KIAA1549L: variants seen among roughly 807,000 people sequenced by gnomAD.
KIAA1549L encodes the protein KIAA1549 like.
A neutral mutation model predicts 160.7 loss-of-function variants in KIAA1549L; 88 were observed. That is an observed-to-expected ratio of 0.55 (90% CI 0.46 to 0.65). The LOEUF is 0.65. KIAA1549L is among the 30% of genes least tolerant of loss of function. The pLI, the probability that KIAA1549L is intolerant of heterozygous loss-of-function variation, is 0.00. For synonymous variants in KIAA1549L, 950 were observed against 976.7 expected, an observed-to-expected ratio of 0.97 and a Z score of 0.51; for missense variants, 2,258 against 2,437.5, an observed-to-expected ratio of 0.93 and a Z score of 1.55.
intron 9 of KIAA1549L, among the ~76,000 whole-genome samples, chr11:33,572,806 C>G (rs1448280005): frequency 6.6e-6 from 1 of 152,206 alleles, no homozygotes; most frequent in African/African-American, 2.4e-5. Flanking sequence ...TTTCACTCAT[C>G]TTAGTTATAT....
At chr11:33,649,128 C>A (rs1851807096) in intron 17 of KIAA1549L, among the ~76,000 whole-genome samples, 1 of 152,126 alleles carries the variant, frequency 6.6e-6, no homozygotes, top group Non-Finnish European at 1.5e-5. Context: ...ATCCCACGCT[C>A]TTTCTACCCG....
At chr11:33,435,782 A>ATGTGTGTGTGTGTG (rs1161737454) in intron 1 of KIAA1549L, among the ~76,000 whole-genome samples, 5 of 21,398 alleles carry the variant, frequency 2.3e-4, no homozygotes, top group South Asian at 1.6e-3. Context: ...ATATATATAT[A>ATGTGTGTGTGTGTG]TATATATATA....
chr11:33,646,336 T>A (rs1248450639), intron 17 of KIAA1549L, among the ~76,000 whole-genome samples: 1 of 152,216 alleles, frequency 6.6e-6, no homozygotes, highest in Admixed American at 6.5e-5. Flanking sequence ...GCACTGGTGG[T>A]TTCCTACACT....
At position 33,542,989 on chromosome 11, in the gene KIAA1549L, A is replaced by G. The variant is rs377413833; in HGVS notation, c.1426A>G (p.Ile476Val). 8.7e-6 allele frequency: 14 copies of G among 1,613,894 alleles called. No homozygotes were observed. In the Admixed American group the frequency reaches 2.3e-4, roughly 27 times the overall value. The change falls in exon 2 of 21, where the codon ATC becomes GTC. Residue 476 changes from isoleucine to valine, a missense_variant. Transcript: ENST00000658780. ...CTCTTCTTTGGTGCCTTCTCTGCATATCACCACACTGGGTCAAGAGCAAGC... is the reference window on the plus strand; with the variant it reads ...CTCTTCTTTGGTGCCTTCTCTGCATGTCACCACACTGGGTCAAGAGCAAGC... ...HTSSLVPSLH[I>V]TTLGQEQAIL...
intron 9 of KIAA1549L, among the ~76,000 whole-genome samples, chr11:33,570,625 C>T (rs1855222004): frequency 6.6e-6 from 1 of 152,166 alleles, no homozygotes; most frequent in Non-Finnish European, 1.5e-5. Flanking sequence ...CAATATCCTT[C>T]TACCCTGAGG....
At chr11:33,415,873 C>T (rs12799246) in intron 1 of KIAA1549L, among the ~76,000 whole-genome samples, 45,075 of 150,878 alleles carry the variant, frequency 0.3, 8,112 homozygotes, top group Non-Finnish European at 0.4. Context: ...GGTGTGATCT[C>T]GGCTCACTGG....
intron 1 of KIAA1549L, among the ~76,000 whole-genome samples, chr11:33,512,537 T>C (rs778300938): frequency 5.9e-5 from 9 of 152,080 alleles, no homozygotes; most frequent in Non-Finnish European, 1.2e-4. Flanking sequence ...ATCCTCCGAC[T>C]TCAGCCTCTG....
At chr11:33,628,023 C>T (rs1048607319) in intron 16 of KIAA1549L, among the ~76,000 whole-genome samples, 2 of 152,140 alleles carry the variant, frequency 1.3e-5, no homozygotes, top group African/African-American at 4.8e-5. Context: ...ATCTTTATTT[C>T]TGCCTTCATT....
chr11:33,534,830 A>T (rs568790118), intron 1 of KIAA1549L, among the ~76,000 whole-genome samples: 1 of 152,284 alleles, frequency 6.6e-6, no homozygotes, highest in Admixed American at 6.5e-5. Context: ...TTTAGTCATG[A>T]TACCTTGTGA....
intron 6 of KIAA1549L, among the ~76,000 whole-genome samples, chr11:33,556,068 C>T (rs1854637133): frequency 6.6e-6 from 1 of 152,118 alleles, no homozygotes; most frequent in Non-Finnish European, 1.5e-5. Flanking sequence ...AGATGCTCTG[C>T]GTCACTAATC....
intron 18 of KIAA1549L, among the ~76,000 whole-genome samples, chr11:33,657,377 A>G (rs1852100987): frequency 6.6e-6 from 1 of 152,066 alleles, no homozygotes; most frequent in African/African-American, 2.4e-5. Flanking sequence ...GCCATTTGCT[A>G]TCTTGCCACA....
At chr11:33,428,976 G>T (rs982159784) in intron 1 of KIAA1549L, among the ~76,000 whole-genome samples, 6 of 151,850 alleles carry the variant, frequency 4.0e-5, no homozygotes, top group African/African-American at 1.4e-4. Context: ...ATCTCGTTTT[G>T]TTTTTTGTTT....
chr11:33,435,782 A>ATGTGTGTGTGTGTGTGTGTGTGTG (rs1161737454), intron 1 of KIAA1549L, among the ~76,000 whole-genome samples: 10 of 21,398 alleles, frequency 4.7e-4, no homozygotes, highest in Non-Finnish European at 5.6e-4. Context: ...ATATATATAT[A>ATGTGTGTGTGTGTGTGTGTGTGTG]TATATATATA....
At chr11:33,428,598 G>A (rs779919064) in intron 1 of KIAA1549L, among the ~76,000 whole-genome samples, 1 of 152,110 alleles carries the variant, frequency 6.6e-6, no homozygotes. Flanking sequence ...ATGTTTTCCA[G>A]CTTCATCCAT....
chr11:33,397,330 T>C lies in KIAA1549L; in HGVS notation c.238+20441T>C, dbSNP rs115690928. On this transcript the variant is annotated intron_variant, in intron 1 of 20. Transcript: ENST00000658780. Reference sequence around the variant, plus strand: ...GCCTTGGTGATGAGGTGAGACTCTGTGTCAAAAAAAAAAAAAAAATTCAAA... The same window carrying C: ...GCCTTGGTGATGAGGTGAGACTCTGCGTCAAAAAAAAAAAAAAAATTCAAA... Among the ~76,000 whole-genome samples, 399 of 87,874 alleles carry C rather than the reference T, an allele frequency of 4.5e-3. 2 individuals are homozygous for C. The highest frequency in any genetic ancestry group is 0.015 in the African/African-American group (366 of 24,200). 57.6% of individuals were successfully genotyped at this position (87,874 alleles called of 152,430 possible).
At chr11:33,617,789 G>A (rs112883800) in intron 15 of KIAA1549L, among the ~76,000 whole-genome samples, 28 of 149,038 alleles carry the variant, frequency 1.9e-4, no homozygotes, top group African/African-American at 6.7e-4. Flanking sequence ...GGAAGCCTCG[G>A]TGGATGGATG....
Position 33,658,835 on chromosome 11 carries a change from A to C in KIAA1549L, c.5944A>C (p.Thr1982Pro), listed in dbSNP as rs1245985505. 1 of 1,564,004 alleles carries C rather than the reference A, an allele frequency of 6.4e-7. No individual in the cohort carries two copies. The change falls in exon 19 of 21, where the codon ACG becomes CCG. Residue 1982 changes from threonine (T) to proline (P), a missense_variant. Thr to Pro is a conservative substitution (Grantham distance 38). This residue lies in a region of KIAA1549L where 1,359 missense variants were observed against 1,546.6 expected (regional missense o/e 0.88). Transcript: ENST00000658780. ...CCAGCTGCACGACAGCGCCTCCTTC[A>C]CGCAGATGTCCAGAGGCCCTGTGTC... ...PAQLHDSASF[T>P]QMSRGPVSVT...
chr11:33,457,915 C>T (rs1038247941), intron 1 of KIAA1549L, among the ~76,000 whole-genome samples: 1 of 152,228 alleles, frequency 6.6e-6, no homozygotes, highest in African/African-American at 2.4e-5. Context: ...AGAGTCCACA[C>T]TCTCTCTTCT....
intron 1 of KIAA1549L, among the ~76,000 whole-genome samples, chr11:33,392,816 T>C (rs1850296583): frequency 6.6e-6 from 1 of 152,226 alleles, no homozygotes; most frequent in East Asian, 1.9e-4. Flanking sequence ...TCTGCCTGTC[T>C]CAGCTTCCCA....
Sources: allele counts gnomAD v4.1 joint callset (sites outside exome capture counted in the v4.1 genomes callset), GRCh38; gene constraint gnomAD v4.1.1; regional missense constraint gnomAD v4.1.1; transcripts MANE v1.5; gene names NCBI Gene and HGNC (gene_info 2026-07-23, HGNC 2026-07-21).